The following SCARB1 variants were observed in gnomAD, a reference collection of about 807,000 sequenced individuals.
The protein encoded by SCARB1 is scavenger receptor class B member 1.
Under a neutral mutation model 57.2 loss-of-function variants are expected in SCARB1, and 30 were observed. The ratio of observed to expected loss-of-function variants is 0.52; its 90% CI spans 0.39 to 0.71. The LOEUF (loss-of-function observed/expected upper bound fraction) is 0.71, where lower values mean the gene tolerates loss of function less well. Among genes scored for constraint, SCARB1 ranks in the 30% least tolerant of loss-of-function variants. SCARB1 has a pLI of 0.00. For missense variants in SCARB1, 543 were observed against 671.2 expected (o/e 0.81, Z 2.11); for synonymous variants, 249 against 268.3 (o/e 0.93, Z 0.70).
chr12:124,851,263 T>A (rs1952390093), intron 1 of SCARB1, among the ~76,000 whole-genome samples: 1 of 152,176 alleles, frequency 6.6e-6, no homozygotes, highest in East Asian at 1.9e-4. Flanking sequence ...AGGAAGCCAC[T>A]GGCAAGTGAG....
intron 1 of SCARB1, among the ~76,000 whole-genome samples, chr12:124,832,495 G>A (rs1426487839): frequency 6.6e-6 from 1 of 150,692 alleles, no homozygotes; most frequent in African/African-American, 2.5e-5. Flanking sequence ...ACTCCAGCCT[G>A]GGCGACAGAG....
chr12:124,782,921 GT>G, intron 11 of SCARB1, 110 bp from the exon 12 acceptor site: 1 of 1,139,542 alleles, frequency 8.8e-7, no homozygotes, highest in Non-Finnish European at 1.3e-6. Context: ...AGGCACATAA[GT>G]TTAGAGTCCA....
chr12:124,829,722 C>G (rs764056071), intron 1 of SCARB1, among the ~76,000 whole-genome samples: 1 of 152,220 alleles, frequency 6.6e-6, no homozygotes. Context: ...CTCCGTGAGA[C>G]CTTCCCTGAG....
intron 11 of SCARB1, chr12:124,783,108 C>T (rs969166153): frequency 2.6e-6 from 1 of 385,356 alleles, no homozygotes; most frequent in Non-Finnish European, 4.8e-6. Context: ...CCATGGAGAC[C>T]GACAACCAGT....
In SCARB1 at chr12:124,800,170, A is replaced by C. The variant is rs1330148767; in HGVS notation, c.1082T>G (p.Leu361Arg). 2.5e-6 allele frequency: 4 copies of C among 1,614,050 alleles called. No individual in the cohort carries two copies. The change falls in exon 8 of 13, where the codon CTG becomes CGG. Residue 361 changes from leucine (L) to arginine (R), a missense_variant. Coordinates refer to ENST00000261693, the MANE Select transcript of SCARB1 (RefSeq NM_005505.5). The surrounding 1 kb of genome is among the most constrained non-coding windows in gnomAD (Gnocchi z 4.8). The part of the protein sequence containing the change: ...DPVLAEAVTG[L>R]HPNQEAHSLF... ...GGAGTGTGCCTCCTGGTTAGGGTGC[A>C]GGCCAGTCACCGCTTCTGCCAGAAC...
chr12:124,833,149 C>T (rs1425564564), intron 1 of SCARB1, among the ~76,000 whole-genome samples: 2 of 151,844 alleles, frequency 1.3e-5, no homozygotes, highest in Non-Finnish European at 1.5e-5. Context: ...AGCATTGTGG[C>T]CCCTGGGACA....
intron 1 of SCARB1, among the ~76,000 whole-genome samples, chr12:124,818,712 C>G (rs1335549345): frequency 2.3e-5 from 2 of 87,424 alleles, no homozygotes; most frequent in Admixed American, 2.3e-4. Context: ...GTGGCGCGAT[C>G]TCGGCTCACC....
chr12:124,836,955 G>A (rs1014793782), intron 1 of SCARB1, among the ~76,000 whole-genome samples: 7 of 152,198 alleles, frequency 4.6e-5, no homozygotes, highest in Non-Finnish European at 8.8e-5. Context: ...CAAAGGCTGG[G>A]CACTGCCTTG....
chr12:124,779,242 C>A (rs1872928618), intron 12 of SCARB1, among the ~76,000 whole-genome samples: 1 of 152,250 alleles, frequency 6.6e-6, no homozygotes, highest in Non-Finnish European at 1.5e-5. Context: ...AGACACCATG[C>A]CTGGCCTGTG....
chr12:124,790,634 A>T (rs1235788953), intron 9 of SCARB1, among the ~76,000 whole-genome samples: 1 of 152,244 alleles, frequency 6.6e-6, no homozygotes, highest in Non-Finnish European at 1.5e-5. Flanking sequence ...CAGCAAAAGG[A>T]AATGAATACA....
intron 2 of SCARB1, 87 bp from the exon 3 acceptor site, chr12:124,815,201 C>G (rs888386391): frequency 6.6e-7 from 1 of 1,506,406 alleles, no homozygotes. Context: ...GCCTGGGAAC[C>G]AGGGGCCCTG....
In SCARB1 at chr12:124,782,511, G is replaced by GA. The variant is rs78141480; in HGVS notation, c.*171dup. Among the ~76,000 whole-genome samples the GA allele has an allele frequency of 4.3e-4, 66 of 152,346 alleles. 3 individuals carry two copies. The East Asian group carries it at 0.013, about 29-fold the overall frequency. On this transcript the variant is annotated intron_variant, in intron 12 of 12. Transcript: ENST00000261693. ...AAACTGCTATTCACTCAGAACATAG[G>GA]AAGGGCAGTTTCTCCAAAAGCAAAA...
intron 1 of SCARB1, among the ~76,000 whole-genome samples, chr12:124,845,706 A>G (rs1306954999): frequency 1.6e-5 from 2 of 125,102 alleles, no homozygotes; most frequent in Non-Finnish European, 3.4e-5. Flanking sequence ...CTCTGCCTCA[A>G]AAAAAAAAGA....
At chr12:124,784,591 G>A (rs866310671) in intron 11 of SCARB1, 20 of 152,398 alleles carry the variant, frequency 1.3e-4, no homozygotes, top group African/African-American at 4.6e-4. Flanking sequence ...GACAGGGGAA[G>A]AGGAAGAATC....
At position 124,845,727 on chromosome 12, in the gene SCARB1, G is replaced by A. The variant is rs186842650; in HGVS notation, c.126+17868C>T. Among the ~76,000 whole-genome samples, 338 of 144,936 alleles carry A rather than the reference G, an allele frequency of 2.3e-3. 1 individual carries two copies. The highest frequency in any genetic ancestry group is 8.5e-3 in the African/African-American group (333 of 38,958). On this transcript the variant is annotated intron_variant, in intron 1 of 12. Coordinates refer to ENST00000261693, the MANE Select transcript of SCARB1 (RefSeq NM_005505.5). Reference sequence around the variant, plus strand: ...CTCAAAAAAAAAAGAAATGTCCAGGGCCGGGCACGGTGGCTCAGGCCTGTA... The same window carrying A: ...CTCAAAAAAAAAAGAAATGTCCAGGACCGGGCACGGTGGCTCAGGCCTGTA...
chr12:124,857,650 G>T lies in SCARB1; in HGVS notation c.126+5945C>A, dbSNP rs543662771. 2.0e-5 allele frequency among the ~76,000 whole-genome samples: 3 copies of T among 152,352 alleles called. No individual in the cohort carries two copies. In the East Asian group the frequency reaches 5.8e-4, roughly 29 times the overall value. ...CAGTGATGGGAAAGCCCCTGCCTCA[G>T]CAGATACAGGGGTATCAGGAAAAAA... On this transcript the variant is annotated intron_variant, in intron 1 of 12. Transcript: ENST00000261693.
At position 124,817,114 on chromosome 12, in the gene SCARB1, G is replaced by GTGTA. The variant is rs913933494; in HGVS notation, c.284+432_284+435dup. 2.2e-5 allele frequency among the ~76,000 whole-genome samples: 3 copies of GTGTA among 138,306 alleles called. No homozygotes were observed. The highest frequency in any genetic ancestry group is 7.7e-5 in the African/African-American group (3 of 38,746). 90.7% of individuals were successfully genotyped at this position (138,306 alleles called of 152,430 possible). A position where few individuals can be genotyped will look rare whatever the true frequency, so the allele number is the denominator to read the frequency against. ...TGTGTGTGTGTATGTGTATGTACGT[G>GTGTA]TGTATGTATGTATGTGTGTATGTGT... On this transcript the variant is annotated intron_variant, in intron 2 of 12. Transcript: ENST00000261693. The surrounding 1 kb of genome is among the most constrained non-coding windows in gnomAD (Gnocchi z 4.8).
At chr12:124,801,849 AAAAAT>A (rs576150965) in intron 7 of SCARB1, among the ~76,000 whole-genome samples, 9 of 151,370 alleles carry the variant, frequency 5.9e-5, no homozygotes, top group Admixed American at 1.3e-4. Flanking sequence ...GTGTCTCAAA[AAAAAT>A]AAAATAAAAT....
At chr12:124,836,261 G>C (rs1037084150) in intron 1 of SCARB1, among the ~76,000 whole-genome samples, 4 of 152,154 alleles carry the variant, frequency 2.6e-5, no homozygotes, top group Admixed American at 6.5e-5. Flanking sequence ...CAGAGGTCTC[G>C]CGCATGTGTC....
Sources: gnomAD v4.1 joint callset for allele counts (sites outside exome capture counted in the v4.1 genomes callset) on GRCh38, gnomAD v4.1.1 for gene constraint, Gnocchi (gnomAD v3.1) non-coding constraint, MANE v1.5 for transcripts, NCBI Gene and HGNC (gene_info 2026-07-23, HGNC 2026-07-21) for gene names.